NRG2: variants seen among roughly 807,000 people sequenced by gnomAD.
The protein encoded by NRG2 is neuregulin 2, also known as pro-neuregulin-2, membrane-bound isoform.
A neutral mutation model predicts 73.9 loss-of-function variants in NRG2; 27 were observed. That is an observed-to-expected ratio of 0.37 (90% CI 0.27 to 0.50). The LOEUF (loss-of-function observed/expected upper bound fraction) is 0.50, where lower values mean the gene tolerates loss of function less well. NRG2 is among the 20% of genes least tolerant of loss of function. The pLI is 0.96. For synonymous variants in NRG2, 532 were observed against 541.0 expected (o/e 0.98, Z 0.23); for missense variants, 1,126 against 1,210.1 (o/e 0.93, Z 1.03).
chr5:139,993,333 C>T (rs1757781286), intron 1 of NRG2, among the ~76,000 whole-genome samples: 1 of 152,138 alleles, frequency 6.6e-6, no homozygotes, highest in African/African-American at 2.4e-5. Context: ...ATTTAATACC[C>T]AATTTCCCTC....
intron 1 of NRG2, among the ~76,000 whole-genome samples, chr5:140,027,600 ATT>A (rs1301280010): frequency 6.6e-6 from 1 of 152,220 alleles, no homozygotes; most frequent in Admixed American, 6.5e-5. Flanking sequence ...TACAGTATAT[ATT>A]GTTATAATTG....
rs964956302 is a variant in NRG2, at chr5:140,043,161, G to T, written c.-92C>A. 3.5e-6 allele frequency: 5 copies of T among 1,435,514 alleles called. No homozygotes were observed. In the African/African-American group the frequency reaches 5.8e-5, roughly 17 times the overall value. 88.9% of individuals were successfully genotyped at this position (1,435,514 alleles called of 1,614,324 possible). Reference sequence around the variant, plus strand: ...GCTGGAAAACCGGAAACAGCGTAACGTTAGCGCCTCTTAGCCCTCCACCGG... The same window carrying T: ...GCTGGAAAACCGGAAACAGCGTAACTTTAGCGCCTCTTAGCCCTCCACCGG... On this transcript the variant is annotated 5_prime_UTR_variant, in exon 1 of 10. Coordinates refer to ENST00000361474, the MANE Select transcript of NRG2 (RefSeq NM_004883.3). This position sits in a 1 kb window ranked among gnomAD's most constrained non-coding sequence, Gnocchi z 6.7.
chr5:140,015,211 A>T (rs1759674235), intron 1 of NRG2, among the ~76,000 whole-genome samples: 1 of 151,926 alleles, frequency 6.6e-6, no homozygotes, highest in African/African-American at 2.4e-5. Context: ...TTGCTTATTT[A>T]TTATGTATAT....
intron 1 of NRG2, among the ~76,000 whole-genome samples, chr5:140,038,809 A>G (rs1373101176): frequency 1.3e-5 from 2 of 152,228 alleles, no homozygotes; most frequent in African/African-American, 4.8e-5. Context: ...TGGTAATTCA[A>G]TCGTTAAATC....
At chr5:139,873,924 C>T (rs1054997475) in intron 3 of NRG2, among the ~76,000 whole-genome samples, 4 of 152,224 alleles carry the variant, frequency 2.6e-5, no homozygotes, top group Admixed American at 2.6e-4. Context: ...ATTGAGCCTG[C>T]GCTGCCAGTA....
Position 139,865,038 on chromosome 5 carries a change from T to A in NRG2, c.1189+511A>T, listed in dbSNP as rs1340132676. The A allele has an allele frequency of 7.8e-7, 1 of 1,279,892 alleles. No individual in the cohort carries two copies. Among genetic ancestry groups the A allele is most frequent in the Non-Finnish European group, 1.1e-6 (1 of 876,140 alleles). The allele number at this position is 1,279,892 out of a possible 1,614,324, so 79.3% of individuals were successfully genotyped here. ...CCTCTACATCTCCCCCTAGTCTTGC[T>A]AAGCAAGGCCCCATCCCTCCCCAGG... On this transcript the variant is annotated intron_variant, in intron 5 of 9. Coordinates refer to ENST00000361474, the MANE Select transcript of NRG2 (RefSeq NM_004883.3). This position sits in a 1 kb window ranked among gnomAD's most constrained non-coding sequence, Gnocchi z 5.2.
chr5:139,905,027 C>T (rs1748335585), intron 1 of NRG2, among the ~76,000 whole-genome samples: 1 of 152,200 alleles, frequency 6.6e-6, no homozygotes, highest in Non-Finnish European at 1.5e-5. Context: ...TGCCTGGCAG[C>T]AAGGGGTCTG....
At chr5:139,959,064 T>C (rs944644970) in intron 1 of NRG2, among the ~76,000 whole-genome samples, 3 of 152,224 alleles carry the variant, frequency 2.0e-5, no homozygotes, top group African/African-American at 7.2e-5. Context: ...TGGACCTCTC[T>C]GAGAAGCCAG....
intron 1 of NRG2, among the ~76,000 whole-genome samples, chr5:140,041,446 T>A (rs941419605): frequency 6.6e-6 from 1 of 152,186 alleles, no homozygotes. Context: ...ACTTTTGACA[T>A]GGGAGACTTC....
rs1223627944 is a variant in NRG2, at chr5:139,868,727, G to A, written c.1112+2994C>T. On this transcript the variant is annotated intron_variant, in intron 4 of 9. Coordinates refer to ENST00000361474, the MANE Select transcript of NRG2 (RefSeq NM_004883.3). The surrounding 1 kb of genome is among the most constrained non-coding windows in gnomAD (Gnocchi z 4.2). ...GTGCTGCCCTCACCCGGGGGAGGGG[G>A]TGGATGAAGGATGGCGGTGTGCCCC... Among the ~76,000 whole-genome samples the A allele has an allele frequency of 6.6e-6, 1 of 152,128 alleles. No individual in the cohort carries two copies. The highest frequency in any genetic ancestry group is 1.5e-5 in the Non-Finnish European group (1 of 68,026).
chr5:139,998,380 A>G (rs1758185975), intron 1 of NRG2, among the ~76,000 whole-genome samples: 1 of 152,202 alleles, frequency 6.6e-6, no homozygotes. Flanking sequence ...CCCAAGGCCA[A>G]GAAAGTCCTG....
intron 1 of NRG2, among the ~76,000 whole-genome samples, chr5:139,933,837 C>T (rs1306936713): frequency 2.0e-5 from 3 of 152,112 alleles, no homozygotes; most frequent in Non-Finnish European, 4.4e-5. Flanking sequence ...TATGCTTGGC[C>T]GTAAAAGCAA....
chr5:139,987,024 A>G (rs1431531729), intron 1 of NRG2, among the ~76,000 whole-genome samples: 1 of 152,050 alleles, frequency 6.6e-6, no homozygotes, highest in African/African-American at 2.4e-5. Flanking sequence ...TCTGGTAAGG[A>G]AAAAAGGGAA....
chr5:139,849,865 C>G (rs1328555213), intron 9 of NRG2, among the ~76,000 whole-genome samples: 1 of 152,340 alleles, frequency 6.6e-6, no homozygotes, highest in South Asian at 2.1e-4. Context: ...CTCCTTCACT[C>G]TATGCAGTTC....
chr5:139,882,015 C>T (rs541613711), intron 2 of NRG2, among the ~76,000 whole-genome samples: 2 of 152,344 alleles, frequency 1.3e-5, no homozygotes, highest in South Asian at 4.1e-4. Flanking sequence ...GGATCCCAGG[C>T]TGGCCCCCAG....
At chr5:140,000,611 G>C (rs991157768) in intron 1 of NRG2, among the ~76,000 whole-genome samples, 8 of 152,232 alleles carry the variant, frequency 5.3e-5, no homozygotes, top group Non-Finnish European at 5.9e-5. Context: ...ACCCAAAATA[G>C]AGCTGAGCTG....
At chr5:139,984,551 A>T (rs1486290723) in intron 1 of NRG2, among the ~76,000 whole-genome samples, 1 of 152,258 alleles carries the variant, frequency 6.6e-6, no homozygotes, top group Non-Finnish European at 1.5e-5. Context: ...GTACTTCAGA[A>T]TGGAGAGGTT....
chr5:139,884,635 A>AT (rs961295191), intron 2 of NRG2, among the ~76,000 whole-genome samples: 11 of 151,630 alleles, frequency 7.3e-5, no homozygotes, highest in South Asian at 4.2e-4. Flanking sequence ...CATAAGCCAC[A>AT]TTTTTTTTTC....
At chr5:139,966,733 A>G (rs1332216626) in intron 1 of NRG2, among the ~76,000 whole-genome samples, 4 of 152,132 alleles carry the variant, frequency 2.6e-5, no homozygotes. Flanking sequence ...TGGAAATGCA[A>G]GCAGGAGGAC....
Sources: gnomAD v4.1 joint callset for allele counts (sites outside exome capture counted in the v4.1 genomes callset) on GRCh38, gnomAD v4.1.1 for gene constraint, Gnocchi (gnomAD v3.1) non-coding constraint, MANE v1.5 for transcripts, NCBI Gene and HGNC (gene_info 2026-07-23, HGNC 2026-07-21) for gene names.